The following EBF1 variants were observed in gnomAD, a reference collection of about 807,000 sequenced individuals.
EBF1 encodes the protein transcription factor COE1.
Under a neutral mutation model 68.4 loss-of-function variants are expected in EBF1, and 10 were observed. The observed-to-expected ratio is 0.15, with a 90% CI of 0.09 to 0.25. The LOEUF (loss-of-function observed/expected upper bound fraction) is 0.25. EBF1 is among the 10% of genes least tolerant of loss of function. The pLI, the probability that EBF1 is intolerant of heterozygous loss-of-function variation, is 1.00. For synonymous variants in EBF1, 298 were observed against 299.8 expected, an observed-to-expected ratio of 0.99 and a Z score of 0.06; for missense variants, 509 against 794.4, an observed-to-expected ratio of 0.64 and a Z score of 4.32.
intron 6 of EBF1, among the ~76,000 whole-genome samples, chr5:158,846,404 CT>C (rs1210031071): frequency 1.3e-5 from 2 of 152,204 alleles, no homozygotes; most frequent in Non-Finnish European, 2.9e-5. Flanking sequence ...CCAAGGAAGT[CT>C]TTCTAAGAGT....
chr5:158,766,406 G>A (rs1772674294), intron 10 of EBF1, among the ~76,000 whole-genome samples: 1 of 152,008 alleles, frequency 6.6e-6, no homozygotes, highest in African/African-American at 2.4e-5. Context: ...GATTAAGGGT[G>A]GAAACCCAAA....
chr5:158,915,171 C>G (rs1221980990), intron 6 of EBF1, among the ~76,000 whole-genome samples: 1 of 152,150 alleles, frequency 6.6e-6, no homozygotes, highest in African/African-American at 2.4e-5. Context: ...TAATGAACTT[C>G]AGAAAGTGAA....
chr5:158,945,707 G>C (rs1814509242), intron 6 of EBF1, among the ~76,000 whole-genome samples: 1 of 152,162 alleles, frequency 6.6e-6, no homozygotes, highest in South Asian at 2.1e-4. Context: ...TCCTGAATTA[G>C]AATGTTGGCC....
At chr5:159,071,414 C>T (rs1777771955) in intron 6 of EBF1, among the ~76,000 whole-genome samples, 1 of 152,144 alleles carries the variant, frequency 6.6e-6, no homozygotes, top group Non-Finnish European at 1.5e-5. Flanking sequence ...CCCAAAGCCA[C>T]CAACAGCATA....
At chr5:158,871,745 A>G (rs779447131) in intron 6 of EBF1, among the ~76,000 whole-genome samples, 1 of 152,224 alleles carries the variant, frequency 6.6e-6, no homozygotes, top group Non-Finnish European at 1.5e-5. Flanking sequence ...AGCTTAGTGG[A>G]TTTGCTCAAT....
intron 4 of EBF1, among the ~76,000 whole-genome samples, chr5:159,087,267 T>C (rs565626103): frequency 9.6e-5 from 13 of 135,824 alleles, no homozygotes; most frequent in South Asian, 9.0e-4. Context: ...TATATATATA[T>C]ACACACACAC....
intron 11 of EBF1, among the ~76,000 whole-genome samples, chr5:158,730,554 G>T (rs981587419): frequency 6.6e-6 from 1 of 152,168 alleles, no homozygotes; most frequent in East Asian, 1.9e-4. Context: ...GAGAAGAGAG[G>T]TTGTCTTTGC....
intron 6 of EBF1, among the ~76,000 whole-genome samples, chr5:158,955,577 C>T (rs1816892136): frequency 6.6e-6 from 1 of 152,172 alleles, no homozygotes; most frequent in Non-Finnish European, 1.5e-5. Flanking sequence ...AAATGAATTC[C>T]ATCCCATTCT....
At chr5:158,954,591 G>T (rs566160402) in intron 6 of EBF1, among the ~76,000 whole-genome samples, 26 of 152,150 alleles carry the variant, frequency 1.7e-4, no homozygotes, top group Admixed American at 3.3e-4. Context: ...CTAATGAGGG[G>T]GTACGGAGAA....
chr5:158,952,756 G>T (rs553597923), intron 6 of EBF1, among the ~76,000 whole-genome samples: 7 of 152,250 alleles, frequency 4.6e-5, no homozygotes, highest in Admixed American at 1.3e-4. Flanking sequence ...TTACCTAAAA[G>T]TTGCTTCGTG....
intron 10 of EBF1, among the ~76,000 whole-genome samples, chr5:158,753,946 A>AT (rs909907730): frequency 1.1e-4 from 16 of 150,248 alleles, no homozygotes; most frequent in African/African-American, 2.4e-4. Flanking sequence ...GTAGCCCTAG[A>AT]TTTTTTTTTT....
chr5:158,935,277 G>A (rs141548403), intron 6 of EBF1, among the ~76,000 whole-genome samples: 39 of 152,240 alleles, frequency 2.6e-4, no homozygotes, highest in East Asian at 1.4e-3. Flanking sequence ...GCTGTGTTCC[G>A]AGGGCACAGT....
chr5:158,901,970 A>G (rs1170086293), intron 6 of EBF1, among the ~76,000 whole-genome samples: 5 of 152,204 alleles, frequency 3.3e-5, no homozygotes, highest in African/African-American at 1.2e-4. Flanking sequence ...ATGCACCTGT[A>G]GTCTCAGCTA....
intron 6 of EBF1, among the ~76,000 whole-genome samples, chr5:158,979,619 A>C (rs1328092859): frequency 1.3e-5 from 2 of 152,132 alleles, no homozygotes; most frequent in Non-Finnish European, 2.9e-5. Context: ...CATGAGAATA[A>C]GGATGCATTT....
At position 158,713,661 on chromosome 5, in the gene EBF1, AG is replaced by A. The variant is rs1759979909; in HGVS notation, c.1191+455del. Among the ~76,000 whole-genome samples, 3 of 152,230 alleles carry A rather than the reference AG, an allele frequency of 2.0e-5. No individual in the cohort carries two copies. The South Asian group carries it at 6.2e-4, about 32-fold the overall frequency. ...GACATTGACTCAGGCTACATGAAAAAGGAGTGAATGGTTTGTCAGACTCAGT... is the reference window on the plus strand; with the variant it reads ...GACATTGACTCAGGCTACATGAAAAAGAGTGAATGGTTTGTCAGACTCAGT... On this transcript the variant is annotated intron_variant, in intron 12 of 15. Transcript: ENST00000313708.
intron 9 of EBF1, among the ~76,000 whole-genome samples, chr5:158,779,957 A>G (rs982046164): frequency 3.3e-5 from 5 of 152,300 alleles, no homozygotes; most frequent in Admixed American, 6.5e-5. Context: ...CTAAACAACA[A>G]TCCTTCACAG....
chr5:158,948,871 C>A (rs1384453709), intron 6 of EBF1, among the ~76,000 whole-genome samples: 2 of 152,164 alleles, frequency 1.3e-5, no homozygotes, highest in African/African-American at 4.8e-5. Flanking sequence ...TGCCTCCCGC[C>A]CCTCAGTTTA....
chr5:158,764,428 T>A (rs993188166), intron 10 of EBF1, among the ~76,000 whole-genome samples: 4 of 152,200 alleles, frequency 2.6e-5, no homozygotes, highest in African/African-American at 4.8e-5. Context: ...ACATCCCATA[T>A]ATTTAAGGTC....
At chr5:159,065,309 A>G (rs904079761) in intron 6 of EBF1, among the ~76,000 whole-genome samples, 23 of 151,810 alleles carry the variant, frequency 1.5e-4, no homozygotes, top group African/African-American at 5.3e-4. Context: ...TGGGCTCCTG[A>G]CTCCTCGGCA....
Sources: gnomAD v4.1 joint callset for allele counts (sites outside exome capture counted in the v4.1 genomes callset) on GRCh38, gnomAD v4.1.1 for gene constraint, MANE v1.5 for transcripts, NCBI Gene and HGNC (gene_info 2026-07-23, HGNC 2026-07-21) for gene names.